The following NECAB2 variants were observed in gnomAD, a reference collection of about 807,000 sequenced individuals.
NECAB2 encodes the protein N-terminal EF-hand calcium binding protein 2.
Under a neutral mutation model 51.9 loss-of-function variants are expected in NECAB2, and 68 were observed. That is an observed-to-expected ratio of 1.31 (90% CI 1.08 to 1.60). The LOEUF is 1.60. NECAB2 is among the 40% of genes most tolerant of loss of function. The probability of loss-of-function intolerance (pLI) is 0.00; values close to 1 mark genes in which losing one functional copy is unlikely to be tolerated. For missense variants in NECAB2, 854 were observed against 490.3 expected, an observed-to-expected ratio of 1.74 and a Z score of -7.00; for synonymous variants, 329 against 203.5, an observed-to-expected ratio of 1.62 and a Z score of -5.25.
At chr16:83,995,067 A>G (rs4782575) in intron 8 of NECAB2, among the ~76,000 whole-genome samples, 48,143 of 152,196 alleles carry the variant, frequency 0.32, 13,379 homozygotes, top group African/African-American at 0.75. Context: ...ACCAGGATGA[A>G]AGAGAGACGT....
intron 11 of NECAB2, among the ~76,000 whole-genome samples, chr16:84,001,586 T>G (rs981698040): frequency 2.0e-5 from 3 of 152,026 alleles, no homozygotes; most frequent in Non-Finnish European, 4.4e-5. Flanking sequence ...CTCTGTGCAA[T>G]GAGTGGGGGG....
At chr16:83,991,815 T>TAGA (rs1666777519) in intron 6 of NECAB2, among the ~76,000 whole-genome samples, 1 of 136,870 alleles carries the variant, frequency 7.3e-6, no homozygotes, top group African/African-American at 3.1e-5. Context: ...CACACCCAGC[T>TAGA]ATTTTTTTTT....
At chr16:83,993,327 G>T (rs1469313119) in intron 6 of NECAB2, 1 of 152,206 alleles carries the variant, frequency 6.6e-6, no homozygotes, top group Non-Finnish European at 1.5e-5. Context: ...GACTCTGCCA[G>T]CCTCTCCCCT....
chr16:83,973,075 A>G (rs545976441), intron 2 of NECAB2, among the ~76,000 whole-genome samples: 52 of 152,310 alleles, frequency 3.4e-4, no homozygotes, highest in African/African-American at 1.0e-3. Flanking sequence ...TGGGTGACAA[A>G]TGTTTTTAAA....
chr16:83,995,278 A>G (rs1463591298), intron 8 of NECAB2, among the ~76,000 whole-genome samples: 2 of 152,190 alleles, frequency 1.3e-5, no homozygotes, highest in African/African-American at 2.4e-5. Flanking sequence ...TAGGGCCTAC[A>G]GACAGATGGG....
At chr16:83,992,657 T>G (rs113863447) in intron 6 of NECAB2, among the ~76,000 whole-genome samples, 246 of 152,242 alleles carry the variant, frequency 1.6e-3, no homozygotes, top group African/African-American at 5.6e-3. Context: ...ATTGTGAAGG[T>G]AACTCTGAGA....
chr16:83,996,372 G>A (rs941069711), intron 8 of NECAB2, among the ~76,000 whole-genome samples: 16 of 152,212 alleles, frequency 1.1e-4, no homozygotes, highest in Non-Finnish European at 1.6e-4. Context: ...AGTGCAAAAT[G>A]AGCGTGCAAG....
chr16:84,000,502 A>C (rs553258431), intron 10 of NECAB2, among the ~76,000 whole-genome samples: 2 of 152,292 alleles, frequency 1.3e-5, no homozygotes, highest in South Asian at 4.1e-4. Flanking sequence ...ACTACACTGC[A>C]TTGATTCTAT....
intron 11 of NECAB2, among the ~76,000 whole-genome samples, chr16:84,001,337 TA>T (rs1466696945): frequency 1.3e-5 from 2 of 151,932 alleles, no homozygotes; most frequent in African/African-American, 4.8e-5. Context: ...AAGCGGGGCC[TA>T]GGGGTAGCCC....
chr16:83,984,480 T>C (rs973615808), intron 5 of NECAB2, among the ~76,000 whole-genome samples: 12 of 150,866 alleles, frequency 8.0e-5, no homozygotes, highest in African/African-American at 2.9e-4. Context: ...TCCAGCACTT[T>C]GGGAGGCCGA....
chr16:83,991,521 C>G (rs975950927), intron 6 of NECAB2, among the ~76,000 whole-genome samples: 3 of 151,674 alleles, frequency 2.0e-5, no homozygotes, highest in African/African-American at 7.3e-5. Flanking sequence ...TGCCCACCAG[C>G]ACACCCAGCT....
chr16:83,965,519 C>T (rs1027489813), upstream of NECAB2: 24 of 1,612,270 alleles, frequency 1.5e-5, no homozygotes, highest in Non-Finnish European at 1.8e-5. Context: ...CCATGCCTTC[C>T]GCCGGGCCGT....
In NECAB2 at chr16:83,968,529, G is replaced by C. The variant is rs911309415; in HGVS notation, c.-120G>C. The C allele has an allele frequency of 9.6e-6, 8 of 829,060 alleles. No homozygotes were observed. Among genetic ancestry groups the C allele is most frequent in the South Asian group, 5.3e-5 (1 of 18,706 alleles). The allele number at this position is 829,060 out of a possible 1,614,324, so 51.4% of individuals were successfully genotyped here. A position where few individuals can be genotyped will look rare whatever the true frequency, so the allele number is the denominator to read the frequency against. ...CAGTCCCCGCGGTGTCCGCGGCCGC[G>C]GGGGCAGCGGGAGAGAGGGCGGGGC... On this transcript the variant is annotated 5_prime_UTR_variant, in exon 1 of 13. Coordinates refer to ENST00000305202, the MANE Select transcript of NECAB2 (RefSeq NM_019065.3).
intron 2 of NECAB2, among the ~76,000 whole-genome samples, chr16:83,972,954 A>T (rs990794464): frequency 2.6e-5 from 4 of 152,174 alleles, no homozygotes; most frequent in Non-Finnish European, 4.4e-5. Flanking sequence ...CGTGGACTTG[A>T]ACCAAGACAG....
chr16:83,973,578 C>G (rs568314319), intron 2 of NECAB2, among the ~76,000 whole-genome samples: 1 of 152,214 alleles, frequency 6.6e-6, no homozygotes, highest in African/African-American at 2.4e-5. Flanking sequence ...CCTGAAAAGC[C>G]TTGGAGATGA....
At chr16:83,982,436 C>A (rs780060070) in intron 5 of NECAB2, among the ~76,000 whole-genome samples, 1 of 152,056 alleles carries the variant, frequency 6.6e-6, no homozygotes, top group Admixed American at 6.6e-5. Context: ...AAGGTATAGG[C>A]GGTGGATTAG....
chr16:83,976,743 A>G (rs1306845619), intron 2 of NECAB2, among the ~76,000 whole-genome samples: 1 of 152,070 alleles, frequency 6.6e-6, no homozygotes, highest in Non-Finnish European at 1.5e-5. Context: ...CCGTGCCCAC[A>G]CGTTCATATT....
intron 8 of NECAB2, among the ~76,000 whole-genome samples, chr16:83,996,617 G>C (rs16962455): frequency 0.015 from 2,216 of 152,236 alleles, 57 homozygotes; most frequent in East Asian, 0.077. Flanking sequence ...ACTGGGTTCA[G>C]ACCCACGCTC....
At chr16:83,999,420 G>C (rs1298267786) in intron 10 of NECAB2, among the ~76,000 whole-genome samples, 1 of 152,190 alleles carries the variant, frequency 6.6e-6, no homozygotes, top group Non-Finnish European at 1.5e-5. Flanking sequence ...GGTGGACGTA[G>C]AGGCTCTGGT....
Sources: gnomAD v4.1 joint callset for allele counts (sites outside exome capture counted in the v4.1 genomes callset) on GRCh38, gnomAD v4.1.1 for gene constraint, MANE v1.5 for transcripts, NCBI Gene and HGNC (gene_info 2026-07-23, HGNC 2026-07-21) for gene names.